TOMM70: variants seen among roughly 807,000 people sequenced by gnomAD.
TOMM70 encodes translocase of outer mitochondrial membrane 70.
In TOMM70, 13 loss-of-function variants were observed where a neutral mutation model predicts 73.6. The ratio of observed to expected loss-of-function variants is 0.18; its 90% CI spans 0.11 to 0.28. The LOEUF is 0.28. Among genes scored for constraint, TOMM70 ranks in the 10% least tolerant of loss-of-function variants. TOMM70 has a pLI of 1.00. For missense variants in TOMM70, 609 were observed against 747.5 expected (o/e 0.81, Z 2.16); for synonymous variants, 257 against 271.2 (o/e 0.95, Z 0.51).
At chr3:100,383,050 A>G (rs1270328786) in intron 4 of TOMM70, among the ~76,000 whole-genome samples, 4 of 152,210 alleles carry the variant, frequency 2.6e-5, no homozygotes, top group Non-Finnish European at 4.4e-5. Flanking sequence ...GTAAATATAC[A>G]TTATTTTATA....
chr3:100,369,522 T>TA (rs1706485341), intron 9 of TOMM70, among the ~76,000 whole-genome samples: 3 of 149,462 alleles, frequency 2.0e-5, no homozygotes, highest in African/African-American at 7.5e-5. Flanking sequence ...TTTTTTGAGA[T>TA]AGAGTTTCAT....
chr3:100,388,583 G>T (rs982105435), intron 1 of TOMM70, among the ~76,000 whole-genome samples: 3 of 152,048 alleles, frequency 2.0e-5, no homozygotes, highest in African/African-American at 7.2e-5. Flanking sequence ...CAGTGACAGG[G>T]CATACCATAC....
intron 2 of TOMM70, 54 bp from the exon 3 acceptor site, chr3:100,386,398 G>A: frequency 6.6e-7 from 1 of 1,518,090 alleles, no homozygotes; most frequent in Non-Finnish European, 8.8e-7. Context: ...CTGTTCAATA[G>A]AAATCAGTTT....
chr3:100,386,202 A>G lies in TOMM70; in HGVS notation c.625+16T>C. 6.3e-7 allele frequency: 1 copy of G among 1,598,468 alleles called. No individual in the cohort carries two copies. Among genetic ancestry groups the G allele is most frequent in the Admixed American group, 1.8e-5 (1 of 56,934 alleles). The stretch of plus-strand genomic sequence containing the variant: ...TATTAAGTAATTTTCATATGTAAAC[A>G]CAAAATTACCCTCACCTTCTAAACA... On this transcript the variant is annotated intron_variant, in intron 3 of 11. Coordinates refer to ENST00000284320, the MANE Select transcript of TOMM70 (RefSeq NM_014820.5).
Position 100,372,307 on chromosome 3 carries a change from A to G in TOMM70, c.1452+299T>C, listed in dbSNP as rs1706519560. On this transcript the variant is annotated intron_variant, in intron 9 of 11. Coordinates refer to ENST00000284320, the MANE Select transcript of TOMM70 (RefSeq NM_014820.5). The stretch of plus-strand genomic sequence containing the variant: ...CGTGGATATTTTCTCCACCAATTGC[A>G]TACGGTAAATTTTCCTAAGGTAATT... The G allele has an allele frequency of 1.2e-5, 3 of 250,976 alleles. No individual in the cohort carries two copies. The Admixed American group carries it at 1.6e-4, about 13-fold the overall frequency. The allele number at this position is 250,976 out of a possible 1,614,324, so 15.5% of individuals were successfully genotyped here.
rs774825249 is a variant in TOMM70, at chr3:100,400,851, C to G, written c.99G>C (p.Thr33=). 1.4e-5 allele frequency: 21 copies of G among 1,524,862 alleles called. No homozygotes were observed. The highest frequency in any genetic ancestry group is 2.0e-5 in the Admixed American group (1 of 49,676). 94.5% of individuals were successfully genotyped at this position (1,524,862 alleles called of 1,614,324 possible). ...CCAGCTGCCATCGCGGCAGCCCCCCCGTGCCCGGGCCCGCAGTCCCGCCGC... is the reference window on the plus strand; with the variant it reads ...CCAGCTGCCATCGCGGCAGCCCCCCGGTGCCCGGGCCCGCAGTCCCGCCGC... ...VGGGGTAGPG[T]GGLPRWQLAL... Residue 33 remains threonine, a synonymous_variant, in exon 1 of 12, where the codon ACG becomes ACC. Transcript: ENST00000284320.
intron 5 of TOMM70, among the ~76,000 whole-genome samples, chr3:100,379,372 C>T (rs1156672272): frequency 6.6e-6 from 1 of 151,992 alleles, no homozygotes; most frequent in African/African-American, 2.4e-5. Flanking sequence ...GCCTGTAATC[C>T]CAGTAGTATG....
At chr3:100,384,985 G>A (rs1160941662) in intron 3 of TOMM70, among the ~76,000 whole-genome samples, 1 of 152,182 alleles carries the variant, frequency 6.6e-6, no homozygotes, top group East Asian at 1.9e-4. Flanking sequence ...TTGCCACAGA[G>A]CTCTCAAATA....
In TOMM70 at chr3:100,369,121, T is replaced by G. The variant is rs1706480984; in HGVS notation, c.1467A>C (p.Gln489His). The change falls in exon 10 of 12, where the codon CAA (glutamine) becomes CAC (histidine). Residue 489 changes from glutamine to histidine, a missense_variant. Physicochemically the swap from Gln to His is conservative, Grantham distance 24. Around this residue, in one of 2 missense-constraint regions of TOMM70, gnomAD observed 432 missense variants for 584.1 expected, o/e 0.74. Coordinates refer to ENST00000284320, the MANE Select transcript of TOMM70 (RefSeq NM_014820.5). ...YALYAQALTD[Q>H]QQFGKADEMY... ...TTTCATCAGCTTTACCAAACTGTTG[T>G]TGATCTGTTAATGCCTATGTGAGGA... 2 of 1,613,132 alleles carry G rather than the reference T, an allele frequency of 1.2e-6. No homozygotes were observed. Among genetic ancestry groups the G allele is most frequent in the East Asian group, 4.5e-5 (2 of 44,828 alleles).
intron 1 of TOMM70, 26 bp downstream of exon 1, chr3:100,400,600 C>T (rs753841878): frequency 5.0e-6 from 8 of 1,603,992 alleles, no homozygotes; most frequent in Non-Finnish European, 6.8e-6. Flanking sequence ...CAGTTTCCTC[C>T]TCTACGGCCT....
chr3:100,392,886 T>C (rs551178883), intron 1 of TOMM70, among the ~76,000 whole-genome samples: 1 of 151,944 alleles, frequency 6.6e-6, no homozygotes, highest in Non-Finnish European at 1.5e-5. Context: ...ATTGCAAAGA[T>C]ATGGAACTGG....
chr3:100,391,014 G>C (rs535011623), intron 1 of TOMM70, among the ~76,000 whole-genome samples: 1 of 151,992 alleles, frequency 6.6e-6, no homozygotes, highest in Admixed American at 6.6e-5. Flanking sequence ...GGTGGTGGGC[G>C]CCTGTAGTCC....
At chr3:100,378,173 G>A (rs1706587417) in intron 5 of TOMM70, among the ~76,000 whole-genome samples, 1 of 152,050 alleles carries the variant, frequency 6.6e-6, no homozygotes. Context: ...AACCCGGGAG[G>A]TGGAGGTTGC....
chr3:100,365,450 A>G lies in TOMM70; in HGVS notation c.*114T>C, dbSNP rs1706438353. The G allele has an allele frequency of 7.6e-6, 11 of 1,450,758 alleles. No homozygotes were observed. The highest frequency in any genetic ancestry group is 1.9e-4 in the Middle Eastern group (1 of 5,308). The allele number at this position is 1,450,758 out of a possible 1,614,324, so 89.9% of individuals were successfully genotyped here. ...AACAGATGTAACAAATAACAACACC[A>G]CAAACAGAAATACTGATTTCCACCA... On this transcript the variant is annotated 3_prime_UTR_variant, in exon 12 of 12. Coordinates refer to ENST00000284320, the MANE Select transcript of TOMM70 (RefSeq NM_014820.5).
At chr3:100,383,616 T>C (rs1325451303) in intron 4 of TOMM70, among the ~76,000 whole-genome samples, 2 of 151,972 alleles carry the variant, frequency 1.3e-5, no homozygotes, top group African/African-American at 4.8e-5. Flanking sequence ...TAGTAGATTA[T>C]TAAAGTCCAG....
rs745639099 is a variant in TOMM70, at chr3:100,381,714, C to T, written c.785G>A (p.Ser262Asn). Residue 262 changes from serine (S) to asparagine (N), a missense_variant, in exon 5 of 12, where the codon AGT becomes AAT. Physicochemically the swap from Ser to Asn is conservative, Grantham distance 46. Transcript: ENST00000284320. Reference protein sequence around the residue: ...PSPQFIKSYFSSFTDDIISQP... With the variant: ...PSPQFIKSYFNSFTDDIISQP... ...GGAAATGATATCATCCGTGAAAGAACTGAAGTAAGATTTGATAAACTGTGG... is the reference window on the plus strand; with the variant it reads ...GGAAATGATATCATCCGTGAAAGAATTGAAGTAAGATTTGATAAACTGTGG... 6.2e-7 allele frequency: 1 copy of T among 1,612,070 alleles called. No individual in the cohort carries two copies. The highest frequency in any genetic ancestry group is 8.5e-7 in the Non-Finnish European group (1 of 1,178,996).
At chr3:100,369,514 T>C (rs1363166620) in intron 9 of TOMM70, among the ~76,000 whole-genome samples, 1 of 151,868 alleles carries the variant, frequency 6.6e-6, no homozygotes, top group Non-Finnish European at 1.5e-5. Context: ...TTTTTTTTTT[T>C]TTTGAGATAG....
intron 8 of TOMM70, 73 bp from the exon 9 acceptor site, chr3:100,372,795 A>C: frequency 8.1e-7 from 1 of 1,228,068 alleles, no homozygotes; most frequent in Non-Finnish European, 1.2e-6. Context: ...AAACACACAA[A>C]ATTACATAAA....
chr3:100,384,600 G>GA lies in TOMM70; in HGVS notation c.626-13dup, dbSNP rs772438583. The GA allele has an allele frequency of 8.1e-5, 122 of 1,510,810 alleles. No individual in the cohort carries two copies. The highest frequency in any genetic ancestry group is 1.0e-4 in the Non-Finnish European group (112 of 1,122,432). 93.6% of individuals were successfully genotyped at this position (1,510,810 alleles called of 1,614,324 possible). The stretch of plus-strand genomic sequence containing the variant: ...CACAGCAGTGACATCTAGAAATGAT[G>GA]AAAAACACAAGGGTAAATATAAAAT... On this transcript the variant is annotated splice_polypyrimidine_tract_variant and intron_variant, in intron 3 of 11. Transcript: ENST00000284320.
Sources: allele counts gnomAD v4.1 joint callset (sites outside exome capture counted in the v4.1 genomes callset), GRCh38; gene constraint gnomAD v4.1.1; regional missense constraint gnomAD v4.1.1; transcripts MANE v1.5; gene names NCBI Gene and HGNC (gene_info 2026-07-23, HGNC 2026-07-21).